HPCAL1: variants seen among roughly 807,000 people sequenced by gnomAD.
HPCAL1 encodes the protein hippocalcin-like protein 1.
A neutral mutation model predicts 17.1 loss-of-function variants in HPCAL1; 8 were observed. That is an observed-to-expected ratio of 0.47 (90% CI 0.27 to 0.84). HPCAL1 has a LOEUF of 0.84. HPCAL1 is among the 40% of genes least tolerant of loss of function. The pLI is 0.13. For synonymous variants in HPCAL1, 112 were observed against 111.4 expected, an observed-to-expected ratio of 1.01 and a Z score of -0.03; for missense variants, 165 against 271.1, an observed-to-expected ratio of 0.61 and a Z score of 2.75.
At chr2:10,353,236 C>T (rs1025066015) in intron 1 of HPCAL1, among the ~76,000 whole-genome samples, 1 of 152,210 alleles carries the variant, frequency 6.6e-6, no homozygotes, top group Non-Finnish European at 1.5e-5. Context: ...TGAGAACCAG[C>T]TGAGGCCTGT....
chr2:10,358,654 A>C (rs552341837), intron 1 of HPCAL1, among the ~76,000 whole-genome samples: 1 of 152,130 alleles, frequency 6.6e-6, no homozygotes, highest in African/African-American at 2.4e-5. Flanking sequence ...AAGAGCACAC[A>C]ACAGATGCCG....
At position 10,323,518 on chromosome 2, in the gene HPCAL1, G is replaced by T. The variant is rs1663805121; in HGVS notation, c.-111+20341G>T. 6.6e-6 allele frequency among the ~76,000 whole-genome samples: 1 copy of T among 152,200 alleles called. No individual in the cohort carries two copies. The highest frequency in any genetic ancestry group is 1.5e-5 in the Non-Finnish European group (1 of 68,044). On this transcript the variant is annotated intron_variant, in intron 1 of 4. Transcript: ENST00000307845. The surrounding 1 kb of genome is among the most constrained non-coding windows in gnomAD (Gnocchi z 4.6). ...TTGCTGAAGACAATGGGTGACTGAG[G>T]CAGTTACAGGTGTCAGCCCCAGATG...
intron 2 of HPCAL1, among the ~76,000 whole-genome samples, chr2:10,400,461 C>T (rs1484492319): frequency 6.6e-6 from 1 of 152,210 alleles, no homozygotes; most frequent in Non-Finnish European, 1.5e-5. Context: ...AAGAGCAGGA[C>T]CCCAGGCTTG....
intron 1 of HPCAL1, among the ~76,000 whole-genome samples, chr2:10,385,567 A>G (rs1668251658): frequency 6.6e-6 from 1 of 152,014 alleles, no homozygotes. Context: ...GCGGATGCAG[A>G]ATGAGAAGCT....
At chr2:10,418,387 T>G (rs61651559) in intron 2 of HPCAL1, among the ~76,000 whole-genome samples, 17,225 of 132,752 alleles carry the variant, frequency 0.13, 2,237 homozygotes, top group East Asian at 0.71. Context: ...TGAGCCGAGA[T>G]CACACCACTG....
intron 1 of HPCAL1, among the ~76,000 whole-genome samples, chr2:10,371,551 T>C (rs1667210176): frequency 6.6e-6 from 1 of 151,856 alleles, no homozygotes; most frequent in African/African-American, 2.4e-5. Context: ...CAGTGAGGGG[T>C]CAGTCAGTGG....
chr2:10,390,630 C>G (rs2125561107), intron 1 of HPCAL1, among the ~76,000 whole-genome samples: 1 of 152,186 alleles, frequency 6.6e-6, no homozygotes, highest in African/African-American at 2.4e-5. Context: ...CAGGAGAGGC[C>G]ACTTCCGGTT....
At chr2:10,400,369 A>G (rs1669524185) in intron 2 of HPCAL1, among the ~76,000 whole-genome samples, 1 of 152,220 alleles carries the variant, frequency 6.6e-6, no homozygotes, top group Non-Finnish European at 1.5e-5. Flanking sequence ...TTAAGAGATC[A>G]TTGTTGCTCA....
intron 1 of HPCAL1, among the ~76,000 whole-genome samples, chr2:10,308,913 A>G (rs1275847163): frequency 2.0e-5 from 3 of 152,022 alleles, no homozygotes; most frequent in South Asian, 2.1e-4. Flanking sequence ...AAACAAATCT[A>G]TTTTCTAAGC....
chr2:10,339,099 G>A (rs1225591775), intron 1 of HPCAL1, among the ~76,000 whole-genome samples: 10 of 152,134 alleles, frequency 6.6e-5, no homozygotes. Flanking sequence ...GCACGAAGCT[G>A]AGGAATGGGT....
At chr2:10,305,593 C>A (rs1214904403) in intron 1 of HPCAL1, among the ~76,000 whole-genome samples, 1 of 152,182 alleles carries the variant, frequency 6.6e-6, no homozygotes, top group Non-Finnish European at 1.5e-5. Flanking sequence ...GAGACTTTGT[C>A]TTTGGAATCC....
intron 1 of HPCAL1, among the ~76,000 whole-genome samples, chr2:10,368,387 G>A (rs990248722): frequency 5.3e-5 from 8 of 152,100 alleles, no homozygotes; most frequent in Non-Finnish European, 8.8e-5. Context: ...GTGTGTGTGC[G>A]TGTCAGCATA....
At chr2:10,400,782 C>T (rs944171165) in intron 2 of HPCAL1, among the ~76,000 whole-genome samples, 1 of 152,196 alleles carries the variant, frequency 6.6e-6, no homozygotes, top group Non-Finnish European at 1.5e-5. Flanking sequence ...TACACACACG[C>T]ACACACATAC....
chr2:10,347,321 A>C (rs1193942542), intron 1 of HPCAL1, among the ~76,000 whole-genome samples: 1 of 152,018 alleles, frequency 6.6e-6, no homozygotes, highest in Non-Finnish European at 1.5e-5. Flanking sequence ...TCAGAGTCTC[A>C]TGGGGAGCAG....
At chr2:10,380,905 C>T (rs1480783384) in intron 1 of HPCAL1, among the ~76,000 whole-genome samples, 1 of 152,242 alleles carries the variant, frequency 6.6e-6, no homozygotes, top group Non-Finnish European at 1.5e-5. Context: ...GTGACTGGCA[C>T]ATAGTAGGAG....
intron 1 of HPCAL1, among the ~76,000 whole-genome samples, chr2:10,390,589 C>T (rs1224114230): frequency 2.0e-5 from 3 of 152,208 alleles, no homozygotes; most frequent in Admixed American, 2.0e-4. Context: ...TTTGTCATCT[C>T]TTGAGCACAC....
At position 10,394,952 on chromosome 2, in the gene HPCAL1, C is replaced by T. The variant is rs540994946; in HGVS notation, c.-110-1883C>T. 3.3e-4 allele frequency among the ~76,000 whole-genome samples: 50 copies of T among 151,872 alleles called. No homozygotes were observed. Among genetic ancestry groups the T allele is most frequent in the African/African-American group, 6.1e-4 (25 of 41,280 alleles). On this transcript the variant is annotated intron_variant, in intron 1 of 4. Transcript: ENST00000307845. The surrounding 1 kb of genome is among the most constrained non-coding windows in gnomAD (Gnocchi z 5.0). The stretch of plus-strand genomic sequence containing the variant: ...CTGGGACTACAGGCACGCACCACCA[C>T]GCATGGCTAATTTTTTGTATTTTTA...
Position 10,328,200 on chromosome 2 carries a change from G to A in HPCAL1, c.-111+25023G>A, listed in dbSNP as rs540980511. Among the ~76,000 whole-genome samples the A allele has an allele frequency of 3.3e-5, 5 of 152,316 alleles. No homozygotes were observed. In the South Asian group the frequency reaches 1.0e-3, roughly 32 times the overall value. ...GATGGCCAGGATCTCATTTTACAGAGGAGGACACTGAGGCCCAGAGAGGTT... is the reference window on the plus strand; with the variant it reads ...GATGGCCAGGATCTCATTTTACAGAAGAGGACACTGAGGCCCAGAGAGGTT... On this transcript the variant is annotated intron_variant, in intron 1 of 4. Transcript: ENST00000307845.
In HPCAL1 at chr2:10,419,773, A is replaced by T; in HGVS notation, c.16A>T (p.Ser6Cys). The T allele has an allele frequency of 6.2e-7, 1 of 1,611,970 alleles. No individual in the cohort carries two copies. The highest frequency in any genetic ancestry group is 8.5e-7 in the Non-Finnish European group (1 of 1,178,944). ...GCCAGCCGCCATGGGCAAACAGAAC[A>T]GCAAGCTGCGGCCCGAGGTGCTGCA... MGKQNSKLRPEVLQDL... is the reference protein window; with the variant it reads MGKQNCKLRPEVLQDL... Residue 6 changes from serine (S) to cysteine (C), a missense_variant, in exon 3 of 5, where the codon AGC becomes TGC. Coordinates refer to ENST00000307845, the MANE Select transcript of HPCAL1 (RefSeq NM_002149.4). The surrounding 1 kb of genome is among the most constrained non-coding windows in gnomAD (Gnocchi z 5.0).
Sources: gnomAD v4.1 joint callset for allele counts (sites outside exome capture counted in the v4.1 genomes callset) on GRCh38, gnomAD v4.1.1 for gene constraint, Gnocchi (gnomAD v3.1) non-coding constraint, MANE v1.5 for transcripts, NCBI Gene and HGNC (gene_info 2026-07-23, HGNC 2026-07-21) for gene names.